The following RGS21 variants were observed in gnomAD, a reference collection of about 807,000 sequenced individuals.
RGS21 encodes the protein regulator of G-protein signalling 21.
RGS21 carries 19 observed loss-of-function variants against 18.7 expected under a neutral mutation model. That is an observed-to-expected ratio of 1.01 (90% CI 0.71 to 1.49). The LOEUF is 1.49. Among genes scored for constraint, RGS21 ranks in the 40% most tolerant of loss-of-function variants. The pLI is 0.00. For missense variants in RGS21, 194 were observed against 176.8 expected (o/e 1.10, Z -0.55); for synonymous variants, 56 against 57.8 (o/e 0.97, Z 0.14).
At chr1:192,323,438 G>C (rs1658523421) in intron 1 of RGS21, among the ~76,000 whole-genome samples, 1 of 152,064 alleles carries the variant, frequency 6.6e-6, no homozygotes, top group Non-Finnish European at 1.5e-5. Context: ...TGATAGACTA[G>C]TGAAAGTAAA....
At chr1:192,317,906 T>C (rs1658441995) in intron 1 of RGS21, among the ~76,000 whole-genome samples, 1 of 152,012 alleles carries the variant, frequency 6.6e-6, no homozygotes, top group South Asian at 2.1e-4. Flanking sequence ...AAATTTTTAG[T>C]CAACATGTGC....
At chr1:192,319,812 C>A (rs190011182) in intron 1 of RGS21, among the ~76,000 whole-genome samples, 86 of 152,234 alleles carry the variant, frequency 5.6e-4, no homozygotes, top group Non-Finnish European at 1.0e-3. Context: ...TCTCTTTCCT[C>A]TATGTGCCTG....
intron 3 of RGS21, among the ~76,000 whole-genome samples, chr1:192,350,360 A>T (rs1229055143): frequency 2.6e-5 from 4 of 152,206 alleles, no homozygotes; most frequent in Admixed American, 2.0e-4. Context: ...TCACTTTTGC[A>T]TTCTGCAGGC....
chr1:192,322,646 C>A (rs1056983251), intron 1 of RGS21, among the ~76,000 whole-genome samples: 2 of 152,070 alleles, frequency 1.3e-5, no homozygotes, highest in East Asian at 1.9e-4. Context: ...ACGCCAGACA[C>A]TTCCAGCCAG....
intron 4 of RGS21, among the ~76,000 whole-genome samples, chr1:192,362,514 C>G (rs1659200157): frequency 6.6e-6 from 1 of 152,176 alleles, no homozygotes; most frequent in Admixed American, 6.6e-5. Context: ...TCCTATGTTT[C>G]TAGCTTGAAC....
rs778874085 is a variant in RGS21 at position 192,352,085 on chromosome 1, T to C, written c.127T>C (p.Phe43Leu). Residue 43 changes from phenylalanine (F) to leucine (L), a missense_variant, in exon 4 of 5, where the codon TTT becomes CTT. Transcript: ENST00000417209. ...DAFRIFLKSE[F>L]SEENVEFWLA... ...TTTTCGAATATTTCTAAAATCAGAG[T>C]TTAGTGAAGAAAATGTTGAGTTCTG... The C allele has an allele frequency of 9.4e-6, 15 of 1,603,080 alleles. No homozygotes were observed. The African/African-American group carries it at 1.3e-4, about 14-fold the overall frequency.
At chr1:192,358,721 C>T (rs987047245) in intron 4 of RGS21, among the ~76,000 whole-genome samples, 6 of 152,014 alleles carry the variant, frequency 3.9e-5, no homozygotes, top group African/African-American at 1.2e-4. Context: ...TGTAAAAATA[C>T]ATAAAGCACA....
chr1:192,354,705 G>A (rs888438561), intron 4 of RGS21, among the ~76,000 whole-genome samples: 1 of 151,628 alleles, frequency 6.6e-6, no homozygotes, highest in Non-Finnish European at 1.5e-5. Context: ...TTATATAACA[G>A]ACTCTTATAA....
chr1:192,317,175 A>G (rs1387148243), intron 1 of RGS21, 70 bp downstream of exon 1: 1 of 151,980 alleles, frequency 6.6e-6, no homozygotes, highest in Non-Finnish European at 1.5e-5. Context: ...GATGACATTT[A>G]GAGATAAAAA....
chr1:192,329,026 T>C (rs1324987239), intron 1 of RGS21, among the ~76,000 whole-genome samples: 1 of 151,572 alleles, frequency 6.6e-6, no homozygotes, highest in Non-Finnish European at 1.5e-5. Flanking sequence ...CCCATGAGAA[T>C]TTTTTTTCTT....
rs535180054 is a variant in RGS21 at position 192,340,609 on chromosome 1, T to C, written c.-60-2368T>C. On this transcript the variant is annotated intron_variant, in intron 1 of 4. Coordinates refer to ENST00000417209, the MANE Select transcript of RGS21 (RefSeq NM_001039152.3). ...ACTTACTTGCTTAAACAATATACAT[T>C]TATTATCTCAGAGTCCAGGGGACAT... Among the ~76,000 whole-genome samples the C allele has an allele frequency of 5.3e-5, 8 of 152,198 alleles. No homozygotes were observed. The East Asian group carries it at 1.5e-3, about 29-fold the overall frequency.
chr1:192,366,135 A>G lies in RGS21; in HGVS notation c.*11A>G, dbSNP rs754030635. On this transcript the variant is annotated 3_prime_UTR_variant, in exon 5 of 5. Coordinates refer to ENST00000417209, the MANE Select transcript of RGS21 (RefSeq NM_001039152.3). The stretch of plus-strand genomic sequence containing the variant: ...CTCCCTTTTTTGTGAGGAAGGTAAA[A>G]GTTAACTAATCACTATACTTCAGGG... The G allele has an allele frequency of 1.4e-6, 2 of 1,407,598 alleles. No homozygotes were observed. The highest frequency in any genetic ancestry group is 2.0e-6 in the Non-Finnish European group (2 of 1,017,116). 87.2% of individuals were successfully genotyped at this position (1,407,598 alleles called of 1,614,324 possible).
At chr1:192,349,627 G>C (rs576614435) in intron 3 of RGS21, among the ~76,000 whole-genome samples, 1 of 152,240 alleles carries the variant, frequency 6.6e-6, no homozygotes, top group Non-Finnish European at 1.5e-5. Context: ...CATTCAAATT[G>C]TATGTATAGG....
At chr1:192,321,820 T>G (rs1246272800) in intron 1 of RGS21, among the ~76,000 whole-genome samples, 1 of 152,030 alleles carries the variant, frequency 6.6e-6, no homozygotes, top group African/African-American at 2.4e-5. Context: ...TTTTAATACT[T>G]GAAATAAATC....
chr1:192,361,615 G>A (rs575126743), intron 4 of RGS21, among the ~76,000 whole-genome samples: 3 of 152,068 alleles, frequency 2.0e-5, no homozygotes, highest in African/African-American at 7.2e-5. Context: ...GCATGATCAC[G>A]GCTGACTGCA....
chr1:192,337,012 T>C (rs1482119945), intron 1 of RGS21, among the ~76,000 whole-genome samples: 1 of 152,108 alleles, frequency 6.6e-6, no homozygotes, highest in Non-Finnish European at 1.5e-5. Context: ...TAAACTTTAA[T>C]TTATATCATG....
chr1:192,364,042 TC>T (rs1455862082), intron 4 of RGS21, among the ~76,000 whole-genome samples: 1 of 152,096 alleles, frequency 6.6e-6, no homozygotes, highest in African/African-American at 2.4e-5. Flanking sequence ...TATCACTGGG[TC>T]AAAAACTATC....
intron 1 of RGS21, among the ~76,000 whole-genome samples, chr1:192,341,557 C>G (rs1200257881): frequency 6.6e-6 from 1 of 152,058 alleles, no homozygotes; most frequent in Middle Eastern, 3.4e-3. Context: ...TAAATAAAAT[C>G]CAATTATTAG....
intron 4 of RGS21, among the ~76,000 whole-genome samples, chr1:192,363,381 C>G (rs1659213394): frequency 6.6e-6 from 1 of 152,066 alleles, no homozygotes. Flanking sequence ...CTCTGCTTAA[C>G]CACTAGGGGA....
Sources: allele counts gnomAD v4.1 joint callset (sites outside exome capture counted in the v4.1 genomes callset), GRCh38; gene constraint gnomAD v4.1.1; transcripts MANE v1.5; gene names NCBI Gene and HGNC (gene_info 2026-07-23, HGNC 2026-07-21).